Variants in DDR2 observed in about 807,000 individuals in gnomAD.
DDR2 encodes the protein discoidin domain receptor tyrosine kinase 2, also known as discoidin domain-containing receptor 2.
Under a neutral mutation model 94.9 loss-of-function variants are expected in DDR2, and 27 were observed. The observed-to-expected ratio is 0.28, with a 90% CI of 0.21 to 0.39. The LOEUF (loss-of-function observed/expected upper bound fraction) is 0.39, where lower values mean the gene tolerates loss of function less well. Ranked by LOEUF, DDR2 falls within the 10% of genes least tolerant of loss-of-function variation. DDR2 has a pLI of 1.00. For missense variants in DDR2, 783 were observed against 1,076.0 expected, an observed-to-expected ratio of 0.73 and a Z score of 3.81; for synonymous variants, 382 against 377.2, an observed-to-expected ratio of 1.01 and a Z score of -0.15.
rs74561463 is a variant in DDR2 at position 162,752,562 on chromosome 1, T to C, written c.83-533T>C. ...GTGGAAGTCTGTATCCAGAAGTTAT[T>C]GTTTATAGCCAGGAGCCAGAACATG... On this transcript the variant is annotated intron_variant, in intron 3 of 17. Transcript: ENST00000367921. 9.7e-3 allele frequency among the ~76,000 whole-genome samples: 1,480 copies of C among 152,354 alleles called. 22 individuals are homozygous for C. The highest frequency in any genetic ancestry group is 0.034 in the African/African-American group (1,402 of 41,580).
At chr1:162,728,453 G>A (rs1661832326) in intron 3 of DDR2, among the ~76,000 whole-genome samples, 1 of 151,974 alleles carries the variant, frequency 6.6e-6, no homozygotes. Flanking sequence ...AGTGAGGATA[G>A]TGATTATTGA....
intron 13 of DDR2, 200 bp downstream of exon 13, chr1:162,772,447 A>C (rs1647277765): frequency 6.4e-6 from 4 of 621,808 alleles, no homozygotes; most frequent in Non-Finnish European, 5.7e-6. Context: ...GGGACTTCTG[A>C]TTTCTATATA....
intron 16 of DDR2, chr1:162,777,881 T>G (rs913846967): frequency 4.5e-5 from 7 of 153,868 alleles, no homozygotes; most frequent in African/African-American, 1.7e-4. Flanking sequence ...GACCACCAGG[T>G]TGCCTAAAGA....
chr1:162,652,951 CA>C (rs1292797686), intron 1 of DDR2, among the ~76,000 whole-genome samples: 1 of 151,596 alleles, frequency 6.6e-6, no homozygotes, highest in Non-Finnish European at 1.5e-5. Flanking sequence ...ACAAAAAATA[CA>C]AAAGTTAGCT....
chr1:162,679,789 CAACATCTGTTTTGTTTTGTTTTTTAAT>C (rs1423573875), intron 2 of DDR2, among the ~76,000 whole-genome samples: 2 of 151,906 alleles, frequency 1.3e-5, no homozygotes, highest in Non-Finnish European at 2.9e-5. Context: ...TCAACCTTGC[CAACATCTGTTTTGTTTTGTTTTTTAAT>C]AATAGCTATT....
At chr1:162,767,979 C>T (rs1276027908) in intron 11 of DDR2, among the ~76,000 whole-genome samples, 1 of 152,160 alleles carries the variant, frequency 6.6e-6, no homozygotes, top group Non-Finnish European at 1.5e-5. Context: ...TAACTTTTTA[C>T]ATTGTCTAAC....
chr1:162,690,351 C>G (rs1003016312), intron 2 of DDR2, among the ~76,000 whole-genome samples: 1 of 152,130 alleles, frequency 6.6e-6, no homozygotes, highest in Non-Finnish European at 1.5e-5. Flanking sequence ...GGAAAGCTCA[C>G]TGGTTTTGGG....
At chr1:162,716,159 G>C (rs1419963246) in intron 2 of DDR2, among the ~76,000 whole-genome samples, 1 of 152,202 alleles carries the variant, frequency 6.6e-6, no homozygotes, top group South Asian at 2.1e-4. Flanking sequence ...GGAAAGAAAG[G>C]AAATGATGTG....
At chr1:162,631,075 A>T (rs1656534899), upstream of DDR2, among the ~76,000 whole-genome samples, 1 of 152,118 alleles carries the variant, frequency 6.6e-6, no homozygotes, top group Non-Finnish European at 1.5e-5. Context: ...TGTGAGGCAC[A>T]GATGTTAACG....
In DDR2 at chr1:162,761,287, G is replaced by C. The variant is rs189870832; in HGVS notation, c.932G>C (p.Ser311Thr). The C allele has an allele frequency of 6.2e-7, 1 of 1,614,202 alleles. No individual in the cohort carries two copies. Among genetic ancestry groups the C allele is most frequent in the South Asian group, 1.1e-5 (1 of 91,076 alleles). The change falls in exon 9 of 18, where the codon AGT (serine) becomes ACT (threonine). Residue 311 changes from serine to threonine, a missense_variant. This residue lies in a region of DDR2 where 519 missense variants were observed against 647.9 expected (regional missense o/e 0.80). Coordinates refer to ENST00000367921, the MANE Select transcript of DDR2 (RefSeq NM_006182.4). The part of the protein sequence containing the change: ...EVQCYFRSEA[S>T]EWEPNAISFP... ...CAGTGCTACTTCCGCTCTGAAGCCA[G>C]TGAGTGGGAACCTAATGCCATTTCC...
chr1:162,643,728 G>A (rs752202542), intron 1 of DDR2, among the ~76,000 whole-genome samples: 7 of 152,118 alleles, frequency 4.6e-5, no homozygotes, highest in Non-Finnish European at 8.8e-5. Context: ...TGATCCACCT[G>A]CCTCGGCCTC....
At chr1:162,766,109 T>C in intron 10 of DDR2, 46 bp downstream of exon 10, 1 of 1,601,486 alleles carries the variant, frequency 6.2e-7, no homozygotes, top group Non-Finnish European at 8.6e-7. Context: ...AGGGACTTAC[T>C]GGGGGATGAA....
chr1:162,758,292 A>T (rs188310547), intron 7 of DDR2, among the ~76,000 whole-genome samples: 29 of 152,342 alleles, frequency 1.9e-4, no homozygotes, highest in African/African-American at 7.0e-4. Context: ...AGATGACATC[A>T]GAGTCTCAGG....
intron 3 of DDR2, among the ~76,000 whole-genome samples, chr1:162,727,083 ATAT>A (rs1322032439): frequency 5.5e-5 from 8 of 144,692 alleles, no homozygotes; most frequent in South Asian, 2.1e-4. Flanking sequence ...ATAATATTTA[ATAT>A]TATTAATACA....
chr1:162,776,771 T>C (rs1286139406), intron 16 of DDR2, among the ~76,000 whole-genome samples: 2 of 152,204 alleles, frequency 1.3e-5, no homozygotes, highest in African/African-American at 2.4e-5. Flanking sequence ...CCTATAATTG[T>C]ATTTCAATAC....
chr1:162,775,947 G>T, intron 15 of DDR2, 104 bp downstream of exon 15: 1 of 1,499,552 alleles, frequency 6.7e-7, no homozygotes. Flanking sequence ...GTTCTGGGAT[G>T]GTGGGGGAAG....
chr1:162,698,430 C>T (rs567267962), intron 2 of DDR2, among the ~76,000 whole-genome samples: 1 of 152,276 alleles, frequency 6.6e-6, no homozygotes, highest in East Asian at 1.9e-4. Context: ...TTCCAGGTGT[C>T]TTATCTCGCT....
At chr1:162,694,821 C>A (rs1001582724) in intron 2 of DDR2, among the ~76,000 whole-genome samples, 1 of 152,158 alleles carries the variant, frequency 6.6e-6, no homozygotes, top group African/African-American at 2.4e-5. Flanking sequence ...CACAAAAAAG[C>A]AGACTAGCTT....
chr1:162,633,123 G>C (rs558782610), intron 1 of DDR2, among the ~76,000 whole-genome samples: 177 of 152,286 alleles, frequency 1.2e-3, no homozygotes, highest in African/African-American at 3.9e-3. Context: ...GGGTAACTTT[G>C]GATGAGGGGT....
Sources: gnomAD v4.1 joint callset for allele counts (sites outside exome capture counted in the v4.1 genomes callset) on GRCh38, gnomAD v4.1.1 for gene constraint, gnomAD v4.1.1 regional missense constraint, MANE v1.5 for transcripts, NCBI Gene and HGNC (gene_info 2026-07-23, HGNC 2026-07-21) for gene names.